NEBL: variants seen among roughly 807,000 people sequenced by gnomAD.
NEBL encodes LIM and SH3 protein 2.
In NEBL, 122 loss-of-function variants were observed where a neutral mutation model predicts 140.2. The ratio of observed to expected loss-of-function variants is 0.87; its 90% CI spans 0.75 to 1.01. NEBL has a LOEUF of 1.01. Among genes scored for constraint, NEBL ranks in the 50% least tolerant of loss-of-function variants. The pLI is 0.00. For missense variants in NEBL, 1,365 were observed against 1,231.3 expected (o/e 1.11, Z -1.62); for synonymous variants, 436 against 398.9 (o/e 1.09, Z -1.11).
chr10:20,814,921 A>T (rs1432182121), intron 22 of NEBL, among the ~76,000 whole-genome samples: 1 of 152,216 alleles, frequency 6.6e-6, no homozygotes, highest in Non-Finnish European at 1.5e-5. Flanking sequence ...TAAATTGCAA[A>T]GCCTAAATGC....
rs369744156 is a variant in NEBL at position 21,266,284 on chromosome 10, G to A, written n.183-14456C>T. Among the ~76,000 whole-genome samples the A allele has an allele frequency of 3.9e-5, 6 of 152,222 alleles. No homozygotes were observed. In the East Asian group the frequency reaches 9.7e-4, roughly 24 times the overall value. On this transcript the variant is annotated intron_variant and non_coding_transcript_variant, in intron 1 of 8. Transcript: ENST00000675702. ...AGCCTCCCGAGTAGCTGGGACCACA[G>A]GTGCACACCACCATGCCCGGCTAAT...
chr10:21,079,861 C>T (rs943474414), intron 2 of NEBL, among the ~76,000 whole-genome samples: 7 of 152,166 alleles, frequency 4.6e-5, no homozygotes, highest in African/African-American at 1.7e-4. Flanking sequence ...GGTAGCTCCA[C>T]CTCTGTCCTA....
At chr10:20,966,912 G>T (rs1039098345) in intron 3 of NEBL, among the ~76,000 whole-genome samples, 1 of 152,198 alleles carries the variant, frequency 6.6e-6, no homozygotes, top group Non-Finnish European at 1.5e-5. Flanking sequence ...CCAGAGACTG[G>T]TAAATTGTTG....
At chr10:21,224,124 G>T (rs7075704) in intron 3 of NEBL, among the ~76,000 whole-genome samples, 40,916 of 152,070 alleles carry the variant, frequency 0.27, 10,548 homozygotes, top group African/African-American at 0.68. Flanking sequence ...CAATGTTTTC[G>T]TTTAGTAGTT....
intron 3 of NEBL, among the ~76,000 whole-genome samples, chr10:20,998,317 A>G (rs1837752619): frequency 6.6e-6 from 1 of 152,184 alleles, no homozygotes; most frequent in Admixed American, 6.5e-5. Context: ...AAATGAGAAC[A>G]ATCATGCTAA....
chr10:21,058,030 G>A (rs558633269), intron 2 of NEBL, among the ~76,000 whole-genome samples: 2 of 152,272 alleles, frequency 1.3e-5, no homozygotes, highest in African/African-American at 4.8e-5. Flanking sequence ...TTTGAAAACA[G>A]GGCAAATTTC....
At chr10:20,790,627 C>CA (rs893168379) in intron 26 of NEBL, among the ~76,000 whole-genome samples, 1 of 147,628 alleles carries the variant, frequency 6.8e-6, no homozygotes, top group Non-Finnish European at 1.5e-5. Context: ...AACAAACAAA[C>CA]AAAAAAACAA....
chr10:21,098,000 T>C (rs1204904879), intron 2 of NEBL, among the ~76,000 whole-genome samples: 1 of 152,214 alleles, frequency 6.6e-6, no homozygotes, highest in Non-Finnish European at 1.5e-5. Context: ...TCCTTTTGAA[T>C]CTTGATGTTT....
chr10:21,286,570 C>T (rs920355469), intron 1 of NEBL, among the ~76,000 whole-genome samples: 3 of 152,202 alleles, frequency 2.0e-5, no homozygotes, highest in Admixed American at 1.3e-4. Flanking sequence ...CCATGGCTCA[C>T]GCCTGTAATC....
Position 20,896,482 on chromosome 10 carries a change from GCATATATATATA to G in NEBL, c.153+464_153+475del, listed in dbSNP as rs1847490374. Among the ~76,000 whole-genome samples the G allele has an allele frequency of 1.4e-4, 3 of 20,966 alleles. No individual in the cohort carries two copies. The South Asian group carries it at 5.4e-3, about 38-fold the overall frequency. The allele number at this position is 20,966 out of a possible 152,430, so 13.8% of individuals were successfully genotyped here. On this transcript the variant is annotated intron_variant, in intron 2 of 27. Transcript: ENST00000377122. ...CCTGAATTGTAAATAAATATTATAT[GCATATATATATA>G]TATATATATATATATATATATATGC... is the stretch of plus-strand genomic sequence containing the variant.
intron 2 of NEBL, among the ~76,000 whole-genome samples, chr10:21,135,351 T>C: frequency 6.6e-6 from 1 of 151,996 alleles, no homozygotes; most frequent in Admixed American, 6.6e-5. Flanking sequence ...TACTTCCCCA[T>C]CCGTATCCTC....
At chr10:20,813,254 T>C (rs559481997) in intron 23 of NEBL, among the ~76,000 whole-genome samples, 2 of 151,716 alleles carry the variant, frequency 1.3e-5, no homozygotes, top group African/African-American at 4.8e-5. Context: ...TCCTAAAATA[T>C]ACTAATTTAA....
intron 26 of NEBL, among the ~76,000 whole-genome samples, chr10:20,790,074 T>C (rs1406878039): frequency 6.6e-6 from 1 of 151,932 alleles, no homozygotes; most frequent in East Asian, 1.9e-4. Context: ...GAAAGTAATG[T>C]ATTAGTTCTA....
At chr10:21,137,938 A>AAAGGGAAGGG (rs199866448) in intron 2 of NEBL, among the ~76,000 whole-genome samples, 10 of 148,934 alleles carry the variant, frequency 6.7e-5, no homozygotes, top group Non-Finnish European at 1.3e-4. Context: ...AAAAAAAAGG[A>AAAGGGAAGGG]AAGGGAAGGG....
chr10:21,152,159 G>A (rs896843856), intron 2 of NEBL, among the ~76,000 whole-genome samples: 5 of 152,204 alleles, frequency 3.3e-5, no homozygotes, highest in African/African-American at 1.2e-4. Context: ...GAGGAATGCA[G>A]GCGGAGTCAA....
intron 2 of NEBL, among the ~76,000 whole-genome samples, chr10:21,067,117 C>T (rs11012501): frequency 0.39 from 58,805 of 151,148 alleles, 13,612 homozygotes; most frequent in Non-Finnish European, 0.52. Flanking sequence ...GGACTACAGG[C>T]GCCCGCCACC....
intron 3 of NEBL, among the ~76,000 whole-genome samples, chr10:21,006,185 C>T (rs569735564): frequency 6.6e-6 from 1 of 152,322 alleles, no homozygotes; most frequent in South Asian, 2.1e-4. Flanking sequence ...TATTCTCTTG[C>T]AGATGACCTT....
chr10:21,126,672 A>G (rs1406534975), intron 2 of NEBL, among the ~76,000 whole-genome samples: 1 of 152,100 alleles, frequency 6.6e-6, no homozygotes, highest in Non-Finnish European at 1.5e-5. Flanking sequence ...ACACAAGCCA[A>G]TTAGAAGAAG....
At chr10:21,241,280 AT>A (rs1842435936) in intron 3 of NEBL, among the ~76,000 whole-genome samples, 1 of 151,078 alleles carries the variant, frequency 6.6e-6, no homozygotes, top group Admixed American at 6.6e-5. Context: ...AAATAAATAA[AT>A]AAATAAAAAT....
Sources: gnomAD v4.1 joint callset for allele counts (sites outside exome capture counted in the v4.1 genomes callset) on GRCh38, gnomAD v4.1.1 for gene constraint, MANE v1.5 for transcripts, NCBI Gene and HGNC (gene_info 2026-07-23, HGNC 2026-07-21) for gene names.